XKR9: variants seen among roughly 807,000 people sequenced by gnomAD.
XKR9 encodes XK-related protein 9.
XKR9 carries 32 observed loss-of-function variants against 32.0 expected under a neutral mutation model. The ratio of observed to expected loss-of-function variants is 1.00; its 90% CI spans 0.76 to 1.34. XKR9 has a LOEUF of 1.34. Among genes scored for constraint, XKR9 ranks in the 40% most tolerant of loss-of-function variants. XKR9 has a pLI of 0.00. For missense variants in XKR9, 546 were observed against 429.7 expected, an observed-to-expected ratio of 1.27 and a Z score of -2.39; for synonymous variants, 168 against 143.4, an observed-to-expected ratio of 1.17 and a Z score of -1.22.
At chr8:70,790,044 GTTTC>G (rs1361980144) in intron 3 of XKR9, 6 of 133,796 alleles carry the variant, frequency 4.5e-5, no homozygotes. Flanking sequence ...TTTGACAATT[GTTTC>G]TTTTTTTTTT....
intron 3 of XKR9, among the ~76,000 whole-genome samples, chr8:70,684,394 A>G (rs1245422243): frequency 1.3e-5 from 2 of 152,184 alleles, no homozygotes; most frequent in Non-Finnish European, 2.9e-5. Context: ...GTTATAATCC[A>G]GATTCCTCCC....
chr8:70,911,499 A>G, the XKR9 span, among the ~76,000 whole-genome samples: 8 of 152,234 alleles, frequency 5.3e-5, no homozygotes, highest in Admixed American at 5.2e-4. Flanking sequence ...AAGATAAAAT[A>G]ATGGAAAAGT....
chr8:70,809,453 T>C, the XKR9 span, among the ~76,000 whole-genome samples: 1 of 152,148 alleles, frequency 6.6e-6, no homozygotes, highest in African/African-American at 2.4e-5. Flanking sequence ...AGAATGACTT[T>C]GATGAGTTGA....
At chr8:71,052,825 C>T in the XKR9 span, among the ~76,000 whole-genome samples, 1 of 152,288 alleles carries the variant, frequency 6.6e-6, no homozygotes, top group Non-Finnish European at 1.5e-5. Context: ...TGCATACAGG[C>T]CCCATGGCAG....
the XKR9 span, among the ~76,000 whole-genome samples, chr8:70,807,211 T>C: frequency 6.6e-6 from 1 of 152,170 alleles, no homozygotes; most frequent in Non-Finnish European, 1.5e-5. Flanking sequence ...GACAAGCAAA[T>C]GCTGAGAGAT....
chr8:70,692,158 T>A (rs1805095992), intron 3 of XKR9, among the ~76,000 whole-genome samples: 1 of 152,138 alleles, frequency 6.6e-6, no homozygotes. Flanking sequence ...GGTGTTTTAT[T>A]TTTTATTTTT....
chr8:71,046,040 G>A, the XKR9 span, among the ~76,000 whole-genome samples: 4 of 152,246 alleles, frequency 2.6e-5, no homozygotes, highest in East Asian at 5.8e-4. Context: ...GCAGTGTCTT[G>A]TGTTTCTTGT....
At chr8:70,748,711 A>G (rs7015947) in intron 2 of XKR9, among the ~76,000 whole-genome samples, 48,472 of 152,096 alleles carry the variant, frequency 0.32, 9,095 homozygotes, top group Non-Finnish European at 0.43. Context: ...CTAGCCAGGG[A>G]CAGCCTGAAG....
the XKR9 span, among the ~76,000 whole-genome samples, chr8:70,850,252 G>C: frequency 6.6e-6 from 1 of 151,926 alleles, no homozygotes; most frequent in African/African-American, 2.4e-5. Flanking sequence ...ACTAGGTCAG[G>C]AGATAGAGAC....
At chr8:70,846,560 A>AT in the XKR9 span, among the ~76,000 whole-genome samples, 6 of 152,138 alleles carry the variant, frequency 3.9e-5, no homozygotes, top group South Asian at 1.2e-3. Context: ...AATAAATTTA[A>AT]TTTTCCACTT....
the XKR9 span, among the ~76,000 whole-genome samples, chr8:70,854,069 A>G: frequency 6.6e-6 from 1 of 152,172 alleles, no homozygotes; most frequent in Admixed American, 6.6e-5. Context: ...GGTCAAATGT[A>G]TTTCTAGTTC....
chr8:70,831,780 T>C, the XKR9 span, among the ~76,000 whole-genome samples: 2 of 152,226 alleles, frequency 1.3e-5, no homozygotes, highest in African/African-American at 2.4e-5. Flanking sequence ...TATTATCTTA[T>C]TCATTTTTTT....
At chr8:70,922,214 C>T in the XKR9 span, among the ~76,000 whole-genome samples, 1,109 of 152,322 alleles carry the variant, frequency 7.3e-3, 8 homozygotes, top group Non-Finnish European at 0.013. Flanking sequence ...TTTCTCCCTT[C>T]CTGATTCCAA....
chr8:70,919,760 T>C, the XKR9 span, among the ~76,000 whole-genome samples: 2 of 152,144 alleles, frequency 1.3e-5, no homozygotes, highest in Admixed American at 6.5e-5. Flanking sequence ...GAACTGTCTG[T>C]ATGCAGTGTG....
chr8:70,835,497 T>G, the XKR9 span, among the ~76,000 whole-genome samples: 1 of 152,012 alleles, frequency 6.6e-6, no homozygotes, highest in Non-Finnish European at 1.5e-5. Flanking sequence ...CAATAATCAT[T>G]TATTGAATGA....
chr8:70,814,248 C>A, the XKR9 span, among the ~76,000 whole-genome samples: 1 of 151,770 alleles, frequency 6.6e-6, no homozygotes, highest in Non-Finnish European at 1.5e-5. Context: ...ACAATGAGAA[C>A]ACGTGGACAC....
At chr8:70,826,169 T>C in the XKR9 span, among the ~76,000 whole-genome samples, 1 of 152,116 alleles carries the variant, frequency 6.6e-6, no homozygotes, top group Non-Finnish European at 1.5e-5. Context: ...GCATTTGTAT[T>C]GCAAATTCTC....
the XKR9 span, among the ~76,000 whole-genome samples, chr8:70,815,443 A>G: frequency 2.0e-5 from 3 of 152,106 alleles, no homozygotes; most frequent in Admixed American, 6.5e-5. Context: ...CTGTTCCTGC[A>G]TTAGTTTGCT....
intron 2 of XKR9, among the ~76,000 whole-genome samples, chr8:70,781,432 A>T (rs1807614631): frequency 6.6e-6 from 1 of 151,148 alleles, no homozygotes; most frequent in South Asian, 2.1e-4. Flanking sequence ...GTATATATTT[A>T]TGGGATACAG....
Sources: allele counts gnomAD v4.1 joint callset (sites outside exome capture counted in the v4.1 genomes callset), GRCh38; gene constraint gnomAD v4.1.1; transcripts MANE v1.5; gene names NCBI Gene and HGNC (gene_info 2026-07-23, HGNC 2026-07-21).